SYNE1: variants seen among roughly 807,000 people sequenced by gnomAD.
SYNE1 encodes nesprin-1.
Under a neutral mutation model 1,111.0 loss-of-function variants are expected in SYNE1, and 616 were observed. The ratio of observed to expected loss-of-function variants is 0.55; its 90% CI spans 0.52 to 0.59. The LOEUF (loss-of-function observed/expected upper bound fraction) is 0.59. SYNE1 is among the 20% of genes least tolerant of loss of function. The pLI is 0.00. For missense variants in SYNE1, 10,006 were observed against 10,417.0 expected (o/e 0.96, Z 1.72); for synonymous variants, 3,855 against 3,825.8 (o/e 1.01, Z -0.28).
intron 3 of SYNE1, among the ~76,000 whole-genome samples, chr6:152,582,840 C>T (rs914296371): frequency 6.6e-6 from 1 of 151,878 alleles, no homozygotes; most frequent in East Asian, 1.9e-4. Flanking sequence ...TATATTGTGG[C>T]CTTTTCAAAA....
intron 145 of SYNE1, among the ~76,000 whole-genome samples, chr6:152,124,965 G>T (rs775357953): frequency 6.6e-6 from 1 of 152,186 alleles, no homozygotes; most frequent in African/African-American, 2.4e-5. Context: ...GTCCTCTGCG[G>T]TGTGTACTTA....
At chr6:152,169,635 A>G in intron 130 of SYNE1, among the ~76,000 whole-genome samples, 1 of 149,932 alleles carries the variant, frequency 6.7e-6, no homozygotes, top group Admixed American at 6.6e-5. Context: ...CTCAAAAAAA[A>G]AAAAAAAAAA....
chr6:152,373,481 C>T (rs554312405), intron 58 of SYNE1, among the ~76,000 whole-genome samples: 3 of 152,170 alleles, frequency 2.0e-5, no homozygotes, highest in South Asian at 4.2e-4. Context: ...GGGGTTTCAC[C>T]ATGTTGGCCA....
At chr6:152,457,836 T>A (rs559054958) in intron 22 of SYNE1, among the ~76,000 whole-genome samples, 1 of 151,912 alleles carries the variant, frequency 6.6e-6, no homozygotes, top group African/African-American at 2.4e-5. Context: ...AGGCAGCAGG[T>A]AATGCCTAAA....
At position 152,225,894 on chromosome 6, in the gene SYNE1, T is replaced by C. The variant is rs778979376; in HGVS notation, c.21196-18A>G. 16 of 1,609,278 alleles carry C rather than the reference T, an allele frequency of 9.9e-6. No individual in the cohort carries two copies. The East Asian group carries it at 2.0e-4, about 20-fold the overall frequency. ...TCCAGATCCTGAAAGATTTAAAAAATAGTCACTTTAAATTGTTCTATTATG... is the reference window on the plus strand; with the variant it reads ...TCCAGATCCTGAAAGATTTAAAAAACAGTCACTTTAAATTGTTCTATTATG... On this transcript the variant is annotated intron_variant, in intron 115 of 145. Coordinates refer to ENST00000367255, the MANE Select transcript of SYNE1 (RefSeq NM_182961.4).
intron 141 of SYNE1, among the ~76,000 whole-genome samples, chr6:152,135,900 C>A (rs931482357): frequency 1.3e-5 from 2 of 152,104 alleles, no homozygotes; most frequent in African/African-American, 2.4e-5. Context: ...CTTCTCACTC[C>A]CTGGCTCAGC....
intron 107 of SYNE1, 28 bp downstream of exon 107, chr6:152,242,210 TTC>T (rs1466561220): frequency 2.5e-6 from 4 of 1,578,728 alleles, no homozygotes; most frequent in African/African-American, 2.7e-5. Context: ...CAATTACATT[TTC>T]TCTCTATCAC....
chr6:152,531,056 C>T (rs529192784), intron 4 of SYNE1, among the ~76,000 whole-genome samples: 5 of 152,262 alleles, frequency 3.3e-5, no homozygotes, highest in African/African-American at 4.8e-5. Context: ...TCAACTGCCT[C>T]GGTATCACAG....
At position 152,465,311 on chromosome 6, in the gene SYNE1, C is replaced by A. The variant is rs1202135277; in HGVS notation, c.1879G>T (p.Ala627Ser). 17 of 1,613,694 alleles carry A rather than the reference C, an allele frequency of 1.1e-5. No individual in the cohort carries two copies. Among genetic ancestry groups the A allele is most frequent in the Admixed American group, 1.7e-5 (1 of 59,966 alleles). ...RYGNTVASLQ[A>S]WLEDAEKMLN... ...ATTTTTTCAGCATCCTCTAGCCAGG[C>A]TTGCAGACTAGCCACTGTATTGCCA... Residue 627 changes from alanine to serine, a missense_variant, in exon 18 of 146, where the codon GCC becomes TCC. By Grantham distance (99) the Ala-to-Ser change is moderately conservative (BLOSUM62 1). This residue lies in a region of SYNE1 where 1,971 missense variants were observed against 2,084.1 expected (regional missense o/e 0.95). Transcript: ENST00000367255.
chr6:152,449,936 C>T (rs938571434), intron 27 of SYNE1, among the ~76,000 whole-genome samples: 1 of 152,174 alleles, frequency 6.6e-6, no homozygotes, highest in Non-Finnish European at 1.5e-5. Flanking sequence ...GGTCTGGCCT[C>T]GTGTGTCCCC....
chr6:152,219,230 C>G (rs906879423), intron 119 of SYNE1, 45 bp from the exon 120 acceptor site: 3 of 1,582,624 alleles, frequency 1.9e-6, no homozygotes, highest in South Asian at 2.2e-5. Flanking sequence ...TGTTGATACT[C>G]CTTATCATAA....
intron 95 of SYNE1, among the ~76,000 whole-genome samples, chr6:152,287,794 G>A (rs562168771): frequency 1.1e-4 from 16 of 152,074 alleles, no homozygotes; most frequent in Admixed American, 4.6e-4. Flanking sequence ...TGATCTGCCC[G>A]CTTCAGCCTC....
At chr6:152,130,047 G>T (rs2055018682) in intron 145 of SYNE1, among the ~76,000 whole-genome samples, 1 of 152,188 alleles carries the variant, frequency 6.6e-6, no homozygotes. Context: ...GAAGCGCGGA[G>T]TGGCAGCTGT....
intron 3 of SYNE1, among the ~76,000 whole-genome samples, chr6:152,594,446 G>A (rs1429608002): frequency 6.6e-6 from 1 of 152,196 alleles, no homozygotes; most frequent in Non-Finnish European, 1.5e-5. Context: ...TCTATCCAAA[G>A]ATGGACAGGG....
chr6:152,398,544 T>C, intron 49 of SYNE1, 75 bp downstream of exon 49: 1 of 1,210,586 alleles, frequency 8.3e-7, no homozygotes, highest in Non-Finnish European at 1.2e-6. Flanking sequence ...ATTTGGGAAA[T>C]GAGATAACTT....
At chr6:152,409,911 G>T (rs1180267191) in intron 42 of SYNE1, among the ~76,000 whole-genome samples, 2 of 152,068 alleles carry the variant, frequency 1.3e-5, no homozygotes, top group Non-Finnish European at 1.5e-5. Flanking sequence ...AGGTATGCAC[G>T]CAACCACTGA....
At chr6:152,372,828 C>T (rs1428912713) in intron 59 of SYNE1, among the ~76,000 whole-genome samples, 1 of 152,194 alleles carries the variant, frequency 6.6e-6, no homozygotes, top group Non-Finnish European at 1.5e-5. Flanking sequence ...TAGACCCTAA[C>T]ATGCAGGAAG....
intron 131 of SYNE1, 127 bp from the exon 132 acceptor site, chr6:152,156,224 A>T: frequency 1.0e-6 from 1 of 986,806 alleles, no homozygotes; most frequent in South Asian, 1.4e-5. Flanking sequence ...TGAATGTATG[A>T]CATTTATTGA....
intron 131 of SYNE1, among the ~76,000 whole-genome samples, chr6:152,162,516 C>T (rs2062727855): frequency 1.3e-5 from 2 of 152,184 alleles, no homozygotes; most frequent in South Asian, 4.1e-4. Flanking sequence ...CCGCCATTTG[C>T]ATTTCAACTC....
Sources: allele counts gnomAD v4.1 joint callset (sites outside exome capture counted in the v4.1 genomes callset), GRCh38; gene constraint gnomAD v4.1.1; regional missense constraint gnomAD v4.1.1; transcripts MANE v1.5; gene names NCBI Gene and HGNC (gene_info 2026-07-23, HGNC 2026-07-21).